VAT1L: variants seen among roughly 807,000 people sequenced by gnomAD.
The protein encoded by VAT1L is vesicle amine transport 1 like.
In VAT1L, 34 loss-of-function variants were observed where a neutral mutation model predicts 44.1. The observed-to-expected ratio is 0.77, with a 90% CI of 0.59 to 1.03. VAT1L has a LOEUF of 1.03. Among genes scored for constraint, VAT1L ranks in the 50% least tolerant of loss-of-function variants. VAT1L has a pLI of 0.00. For synonymous variants in VAT1L, 253 were observed against 202.2 expected, an observed-to-expected ratio of 1.25 and a Z score of -2.13; for missense variants, 615 against 538.8, an observed-to-expected ratio of 1.14 and a Z score of -1.40.
chr16:77,887,601 G>C (rs974627972), intron 7 of VAT1L, among the ~76,000 whole-genome samples: 1 of 152,172 alleles, frequency 6.6e-6, no homozygotes, highest in Non-Finnish European at 1.5e-5. Flanking sequence ...TGCTTCATGT[G>C]TGCTGGGGTT....
chr16:77,972,989 AT>A (rs542536996), intron 8 of VAT1L, among the ~76,000 whole-genome samples: 4 of 149,282 alleles, frequency 2.7e-5, no homozygotes, highest in Non-Finnish European at 6.0e-5. Flanking sequence ...CCCAGCTGTG[AT>A]TTTTTTTTTC....
At chr16:77,973,375 C>T (rs540573451) in intron 8 of VAT1L, among the ~76,000 whole-genome samples, 43 of 152,186 alleles carry the variant, frequency 2.8e-4, no homozygotes, top group Non-Finnish European at 4.3e-4. Context: ...ACCTCCGCCT[C>T]CCGGGTTCAA....
At chr16:77,833,405 T>C (rs1164043877) in intron 3 of VAT1L, among the ~76,000 whole-genome samples, 1 of 152,204 alleles carries the variant, frequency 6.6e-6, no homozygotes, top group Non-Finnish European at 1.5e-5. Context: ...AACGCTAATC[T>C]GTGGATGATA....
intron 6 of VAT1L, among the ~76,000 whole-genome samples, chr16:77,880,591 A>ATTTTTTTTTTTTTTTTTTTTT (rs55995217): frequency 1.8e-5 from 1 of 54,260 alleles, no homozygotes; most frequent in Non-Finnish European, 3.1e-5. Flanking sequence ...GTTCCAGGGT[A>ATTTTTTTTTTTTTTTTTTTTT]TTTTTTTTTT....
At chr16:77,958,306 A>G (rs1322287612) in intron 7 of VAT1L, among the ~76,000 whole-genome samples, 1 of 152,126 alleles carries the variant, frequency 6.6e-6, no homozygotes, top group Non-Finnish European at 1.5e-5. Context: ...TCCTTCTCCC[A>G]TATCAAATAA....
At chr16:77,812,175 C>T (rs1012083393) in intron 1 of VAT1L, among the ~76,000 whole-genome samples, 3 of 150,958 alleles carry the variant, frequency 2.0e-5, no homozygotes, top group South Asian at 2.1e-4. Context: ...CAAGTTTAAG[C>T]GATTCTCCTG....
chr16:77,876,445 C>T lies in VAT1L; in HGVS notation c.798C>T (p.Leu266=), dbSNP rs1409923215. 2 of 1,614,042 alleles carry T rather than the reference C, an allele frequency of 1.2e-6. No individual in the cohort carries two copies. Among genetic ancestry groups the T allele is most frequent in the Non-Finnish European group, 8.5e-7 (1 of 1,180,030 alleles). ...ACACTGGAAAAGGTCTCAGTCTTCT[C>T]AAACCCCTGGGAACCTACATTTTAT... ...GDNTGKGLSL[L]KPLGTYILYG... The change falls in exon 5 of 9, where the codon CTC becomes CTT. Residue 266 remains leucine, a synonymous_variant. Transcript: ENST00000302536.
intron 7 of VAT1L, among the ~76,000 whole-genome samples, chr16:77,919,749 T>C (rs1274769713): frequency 6.6e-6 from 1 of 152,222 alleles, no homozygotes; most frequent in Admixed American, 6.5e-5. Flanking sequence ...GAGCAAGAGA[T>C]ACCTATTACT....
chr16:77,930,981 C>T (rs2017725245), intron 7 of VAT1L, among the ~76,000 whole-genome samples: 1 of 152,168 alleles, frequency 6.6e-6, no homozygotes, highest in Non-Finnish European at 1.5e-5. Context: ...ATTTAAACCT[C>T]AAAACTCTAA....
At chr16:77,848,046 G>C (rs932212876) in intron 3 of VAT1L, among the ~76,000 whole-genome samples, 5 of 152,184 alleles carry the variant, frequency 3.3e-5, no homozygotes, top group Non-Finnish European at 7.4e-5. Flanking sequence ...GATTGGAAAA[G>C]AGAAGATCCA....
chr16:77,866,130 C>T (rs1318132233), intron 4 of VAT1L, among the ~76,000 whole-genome samples: 1 of 152,198 alleles, frequency 6.6e-6, no homozygotes, highest in Admixed American at 6.5e-5. Context: ...CCTAGCAAAC[C>T]TACCCTCAGG....
intron 7 of VAT1L, among the ~76,000 whole-genome samples, chr16:77,937,564 A>G (rs1238602113): frequency 6.6e-6 from 1 of 152,226 alleles, no homozygotes; most frequent in African/African-American, 2.4e-5. Flanking sequence ...TATAGTTAGA[A>G]GAGAAGTGAT....
chr16:77,797,130 G>A (rs1396615623), intron 1 of VAT1L, among the ~76,000 whole-genome samples: 2 of 127,020 alleles, frequency 1.6e-5, no homozygotes, highest in East Asian at 4.8e-4. Context: ...TTTTTTTTTT[G>A]AGATGGGGTC....
chr16:77,965,283 A>G (rs988167651), intron 7 of VAT1L, among the ~76,000 whole-genome samples: 1 of 152,206 alleles, frequency 6.6e-6, no homozygotes, highest in African/African-American at 2.4e-5. Flanking sequence ...TATCACTCAC[A>G]TAAGATGAGA....
intron 8 of VAT1L, among the ~76,000 whole-genome samples, chr16:77,976,949 T>G (rs2018347092): frequency 6.6e-6 from 1 of 152,184 alleles, no homozygotes; most frequent in Non-Finnish European, 1.5e-5. Context: ...TTGTTGTGTC[T>G]GCTCTTCTTA....
intron 3 of VAT1L, among the ~76,000 whole-genome samples, chr16:77,859,703 T>C (rs2016896564): frequency 6.6e-6 from 1 of 152,098 alleles, no homozygotes; most frequent in Non-Finnish European, 1.5e-5. Context: ...ATAAGAGCTG[T>C]CGAGGACAAA....
intron 7 of VAT1L, among the ~76,000 whole-genome samples, chr16:77,934,121 G>A (rs865960638): frequency 1.3e-5 from 2 of 152,130 alleles, no homozygotes; most frequent in South Asian, 4.2e-4. Context: ...TGGTAGCCTG[G>A]ATAAGACTGT....
At chr16:77,791,815 A>G (rs1181711055) in intron 1 of VAT1L, among the ~76,000 whole-genome samples, 1 of 152,242 alleles carries the variant, frequency 6.6e-6, no homozygotes, top group Admixed American at 6.5e-5. Context: ...CAGCTCAAAA[A>G]GAACTGTTGC....
chr16:77,925,797 A>T (rs566544554), intron 7 of VAT1L, among the ~76,000 whole-genome samples: 1 of 152,166 alleles, frequency 6.6e-6, no homozygotes, highest in Admixed American at 6.5e-5. Context: ...GAAATCTACC[A>T]AACAACATAA....
Sources: gnomAD v4.1 joint callset for allele counts (sites outside exome capture counted in the v4.1 genomes callset) on GRCh38, gnomAD v4.1.1 for gene constraint, MANE v1.5 for transcripts, NCBI Gene and HGNC (gene_info 2026-07-23, HGNC 2026-07-21) for gene names.